The following TCF25 variants were observed in gnomAD, a reference collection of about 807,000 sequenced individuals.
TCF25 encodes ribosome quality control complex subunit TCF25.
Under a neutral mutation model 83.1 loss-of-function variants are expected in TCF25, and 41 were observed. The observed-to-expected ratio is 0.49, with a 90% CI of 0.38 to 0.64. The LOEUF is 0.64. Among genes scored for constraint, TCF25 ranks in the 30% least tolerant of loss-of-function variants. The pLI is 0.00. For missense variants in TCF25, 979 were observed against 914.5 expected, an observed-to-expected ratio of 1.07 and a Z score of -0.91; for synonymous variants, 458 against 365.0, an observed-to-expected ratio of 1.25 and a Z score of -2.90.
chr16:89,892,012 C>G (rs1052588402), intron 5 of TCF25, among the ~76,000 whole-genome samples, 181 bp from the exon 6 acceptor site: 1 of 152,114 alleles, frequency 6.6e-6, no homozygotes, highest in African/African-American at 2.4e-5. Context: ...CTGCTGCACC[C>G]GTCCCACAGC....
chr16:89,883,714 C>G, intron 2 of TCF25: 2 of 606,482 alleles, frequency 3.3e-6, no homozygotes, highest in Non-Finnish European at 5.7e-6. Flanking sequence ...CTTTCTCCTG[C>G]ATCTCAGGAG....
chr16:89,902,465 G>A (rs1219337356), intron 12 of TCF25, among the ~76,000 whole-genome samples: 9 of 118,378 alleles, frequency 7.6e-5, no homozygotes, highest in Non-Finnish European at 9.2e-5. Flanking sequence ...CGAGGTGGGC[G>A]GATCACGAGG....
chr16:89,905,185 A>C (rs891983395), intron 14 of TCF25, 89 bp downstream of exon 14: 1 of 1,451,380 alleles, frequency 6.9e-7, no homozygotes, highest in Non-Finnish European at 9.1e-7. Context: ...GGGAGGCGAG[A>C]AGGGCTGTGA....
Position 89,883,374 on chromosome 16 carries a change from T to A in TCF25, c.216T>A (p.Asp72Glu), listed in dbSNP as rs200450333. The A allele has an allele frequency of 1.2e-4, 198 of 1,613,858 alleles. No homozygotes were observed. The highest frequency in any genetic ancestry group is 1.6e-4 in the Non-Finnish European group (192 of 1,179,882). The change falls in exon 2 of 18, where the codon GAT (aspartate) becomes GAA (glutamate). Residue 72 changes from aspartate (D) to glutamate (E), a missense_variant. By Grantham distance (45) the Asp-to-Glu change is conservative. Coordinates refer to ENST00000263346, the MANE Select transcript of TCF25 (RefSeq NM_014972.3). ...AGATAAACATTGACGATCTTGAGGA[T>A]GACCCTGTGGTGAACGGGGAGAGGT... ...FELINIDDLE[D>E]DPVVNGERSG...
intron 5 of TCF25, chr16:89,889,743 T>C (rs1169402684): frequency 6.6e-6 from 1 of 151,516 alleles, no homozygotes; most frequent in Non-Finnish European, 1.5e-5. Flanking sequence ...AGAGATGGGG[T>C]TTCTCCATGT....
At chr16:89,892,065 A>G in intron 5 of TCF25, 128 bp from the exon 6 acceptor site, 1 of 822,716 alleles carries the variant, frequency 1.2e-6, no homozygotes, top group Non-Finnish European at 1.8e-6. Flanking sequence ...ATGCGTCCCC[A>G]CCCTGCCCCA....
At chr16:89,886,409 C>CGAGCA (rs1308824633) in intron 4 of TCF25, among the ~76,000 whole-genome samples, 1 of 150,744 alleles carries the variant, frequency 6.6e-6, no homozygotes. Flanking sequence ...GCCTGGGCAA[C>CGAGCA]ACTGCGAGAC....
intron 7 of TCF25, 94 bp downstream of exon 7, chr16:89,893,952 C>A: frequency 6.7e-7 from 1 of 1,500,070 alleles, no homozygotes; most frequent in Non-Finnish European, 9.0e-7. Context: ...GGGAGGCATG[C>A]TGCCTCCTGC....
At chr16:89,909,228 C>A (rs2045337632) in intron 16 of TCF25, 2 of 1,111,382 alleles carry the variant, frequency 1.8e-6, no homozygotes, top group Non-Finnish European at 2.3e-6. Context: ...CAAAACTTAG[C>A]CAGCTGGGTG....
Position 89,909,031 on chromosome 16 carries a change from C to T in TCF25, c.1800-1560C>T, listed in dbSNP as rs982301044. ...CAGCTCTGCGTTTGCAGGCCACGTT[C>T]TTTCCCATCTCCACCGAATGTACAA... On this transcript the variant is annotated intron_variant, in intron 16 of 17. Coordinates refer to ENST00000263346, the MANE Select transcript of TCF25 (RefSeq NM_014972.3). The T allele has an allele frequency of 3.1e-6, 4 of 1,289,434 alleles. No individual in the cohort carries two copies. In the African/African-American group the frequency reaches 6.1e-5, roughly 20 times the overall value. The allele number at this position is 1,289,434 out of a possible 1,614,324, so 79.9% of individuals were successfully genotyped here.
chr16:89,905,696 G>A (rs1283076699), intron 14 of TCF25, among the ~76,000 whole-genome samples: 1 of 152,234 alleles, frequency 6.6e-6, no homozygotes, highest in Non-Finnish European at 1.5e-5. Flanking sequence ...GTGCCCAAGA[G>A]GCGCTGGTGC....
rs1226716029 is a variant in TCF25, at chr16:89,894,224, C to CCCCCGGACGGCCCCCACACGG, written c.828+382_828+402dup. Among the ~76,000 whole-genome samples the CCCCCGGACGGCCCCCACACGG allele has an allele frequency of 2.7e-3, 407 of 151,944 alleles. 3 individuals carry two copies. Among genetic ancestry groups the CCCCCGGACGGCCCCCACACGG allele is most frequent in the African/African-American group, 9.5e-3 (394 of 41,408 alleles). ...GCTCAGATTCCCGGCCCCCGTGCAG[C>CCCCCGGACGGCCCCCACACGG]CCCCGGACGGCCCCCACACGGCCCC... On this transcript the variant is annotated intron_variant, in intron 7 of 17. Coordinates refer to ENST00000263346, the MANE Select transcript of TCF25 (RefSeq NM_014972.3).
chr16:89,910,322 A>C (rs2045450779), intron 16 of TCF25: 5 of 539,944 alleles, frequency 9.3e-6, no homozygotes, highest in South Asian at 9.1e-5. Flanking sequence ...TGGCTGTGGG[A>C]GCCTCGCTCC....
chr16:89,902,884 T>C (rs1341890220), intron 12 of TCF25, among the ~76,000 whole-genome samples: 1 of 152,076 alleles, frequency 6.6e-6, no homozygotes, highest in African/African-American at 2.4e-5. Flanking sequence ...CCTTTCTCGG[T>C]TCTGTGGGTT....
chr16:89,873,943 G>T lies in TCF25; in HGVS notation c.192+84G>T. 4 of 1,428,766 alleles carry T rather than the reference G, an allele frequency of 2.8e-6. No individual in the cohort carries two copies. In the South Asian group the frequency reaches 4.3e-5, roughly 15 times the overall value. 88.5% of individuals were successfully genotyped at this position (1,428,766 alleles called of 1,614,324 possible). On this transcript the variant is annotated intron_variant, in intron 1 of 17. Transcript: ENST00000263346. ...CGAGCGTCCAGCCGGGTCGGGGAGC[G>T]GGGTTGTGATGCCAGGGGTGGGAAG...
intron 9 of TCF25, 105 bp downstream of exon 9, chr16:89,896,188 C>A: frequency 9.9e-7 from 1 of 1,013,374 alleles, no homozygotes; most frequent in Non-Finnish European, 1.5e-6. Flanking sequence ...CCAGGGTGGA[C>A]CAGGGCCCAC....
rs1000223486 is a variant in TCF25, at chr16:89,888,326, G to A, written c.614+609G>A. ...TTCTAGTTTTGTCGTGGTGGCTCAC[G>A]CCTGTAATCCCAGCACTTTGGGAGG... On this transcript the variant is annotated intron_variant, in intron 5 of 17. Coordinates refer to ENST00000263346, the MANE Select transcript of TCF25 (RefSeq NM_014972.3). Among the ~76,000 whole-genome samples, 11 of 151,790 alleles carry A rather than the reference G, an allele frequency of 7.2e-5. No individual in the cohort carries two copies. In the East Asian group the frequency reaches 7.8e-4, roughly 11 times the overall value.
intron 8 of TCF25, 48 bp downstream of exon 8, chr16:89,895,185 A>C (rs7186976): frequency 6.4e-7 from 1 of 1,552,706 alleles, no homozygotes; most frequent in Non-Finnish European, 8.8e-7. Context: ...GGAGCACCTC[A>C]AGCTATCAAG....
chr16:89,894,931 C>T, intron 7 of TCF25, 107 bp from the exon 8 acceptor site: 1 of 910,730 alleles, frequency 1.1e-6, no homozygotes, highest in Non-Finnish European at 1.7e-6. Flanking sequence ...AGGCGTGAGC[C>T]ACTGCGCCCA....
Sources: allele counts gnomAD v4.1 joint callset (sites outside exome capture counted in the v4.1 genomes callset), GRCh38; gene constraint gnomAD v4.1.1; transcripts MANE v1.5; gene names NCBI Gene and HGNC (gene_info 2026-07-23, HGNC 2026-07-21).